The following SAMD5 variants were observed in gnomAD, a reference collection of about 807,000 sequenced individuals.
SAMD5 encodes the protein sterile alpha motif domain containing 5, also known as sterile alpha motif domain-containing protein 5.
A neutral mutation model predicts 11.3 loss-of-function variants in SAMD5; 13 were observed. That is an observed-to-expected ratio of 1.15 (90% confidence interval 0.75 to 1.83). The LOEUF (loss-of-function observed/expected upper bound fraction) is 1.83, where lower values mean the gene tolerates loss of function less well. Ranked by LOEUF, SAMD5 falls within the 40% of genes most tolerant of loss-of-function variation. SAMD5 has a pLI of 0.00. For missense variants in SAMD5, 255 were observed against 239.1 expected (o/e 1.07, Z -0.44); for synonymous variants, 129 against 111.3 (o/e 1.16, Z -1.00).
intron 1 of SAMD5, chr6:147,733,660 C>G (rs1207156493): frequency 4.8e-6 from 1 of 207,534 alleles, no homozygotes; most frequent in Admixed American, 6.5e-5. Flanking sequence ...TTTATTCTCT[C>G]CTCCCTTATC....
intron 1 of SAMD5, among the ~76,000 whole-genome samples, chr6:147,610,558 A>T (rs1233787473): frequency 6.6e-6 from 1 of 152,214 alleles, no homozygotes; most frequent in Admixed American, 6.5e-5. Context: ...AAAGTAAGGC[A>T]CTTTTGGACA....
chr6:147,874,592 A>G, the SAMD5 span, among the ~76,000 whole-genome samples: 1 of 145,952 alleles, frequency 6.9e-6, no homozygotes, highest in Non-Finnish European at 1.5e-5. Context: ...TTAAGTCCAC[A>G]GCAAAGACAG....
At chr6:147,744,946 A>G in the SAMD5 span, among the ~76,000 whole-genome samples, 3 of 109,160 alleles carry the variant, frequency 2.7e-5, no homozygotes, top group Admixed American at 2.7e-4. Flanking sequence ...AGACCCAGCA[A>G]TCACCGGGTG....
chr6:147,693,222 T>A (rs1167234869), intron 1 of SAMD5, among the ~76,000 whole-genome samples: 1 of 152,222 alleles, frequency 6.6e-6, no homozygotes, highest in East Asian at 1.9e-4. Context: ...TAAGCAGTCT[T>A]TGACCTCCAT....
At chr6:147,574,496 C>A (rs1372251710), downstream of SAMD5, among the ~76,000 whole-genome samples, 1 of 152,156 alleles carries the variant, frequency 6.6e-6, no homozygotes, top group Admixed American at 6.5e-5. Flanking sequence ...AGAAGATTGA[C>A]AAAGTTCTCA....
At chr6:147,789,448 AT>A in the SAMD5 span, among the ~76,000 whole-genome samples, 29 of 152,028 alleles carry the variant, frequency 1.9e-4, no homozygotes, top group African/African-American at 6.3e-4. Flanking sequence ...TTTGAGAGTT[AT>A]TTTTTAGGAG....
intron 1 of SAMD5, among the ~76,000 whole-genome samples, chr6:147,600,391 G>T (rs1013545596): frequency 6.6e-6 from 1 of 152,136 alleles, no homozygotes; most frequent in African/African-American, 2.4e-5. Context: ...TTTCTTTGAT[G>T]TTTCTTCTTG....
chr6:147,702,817 A>ATGTG (rs147257150), intron 1 of SAMD5, among the ~76,000 whole-genome samples: 57,916 of 149,932 alleles, frequency 0.39, 12,929 homozygotes, highest in Non-Finnish European at 0.49. Flanking sequence ...CTATTTGTAT[A>ATGTG]TGTGTGTGTG....
chr6:147,868,815 AAC>A, the SAMD5 span, among the ~76,000 whole-genome samples: 1 of 152,340 alleles, frequency 6.6e-6, no homozygotes, highest in South Asian at 2.1e-4. Flanking sequence ...GCAGATATAA[AAC>A]ACATATCAAT....
At chr6:147,650,870 C>G (rs1790473712) in intron 1 of SAMD5, among the ~76,000 whole-genome samples, 1 of 152,122 alleles carries the variant, frequency 6.6e-6, no homozygotes, top group South Asian at 2.1e-4. Flanking sequence ...ACGCAGAAGA[C>G]AGATCTAGGT....
chr6:147,608,748 A>T (rs1245807471), intron 1 of SAMD5, among the ~76,000 whole-genome samples: 1 of 152,200 alleles, frequency 6.6e-6, no homozygotes, highest in Non-Finnish European at 1.5e-5. Context: ...CAATCAACTT[A>T]TGATAGCCAA....
At chr6:147,532,390 A>T (rs1462208741) in intron 1 of SAMD5, among the ~76,000 whole-genome samples, 2 of 151,900 alleles carry the variant, frequency 1.3e-5, no homozygotes, top group Admixed American at 6.6e-5. Flanking sequence ...AGAACATATG[A>T]TATTTGGGTT....
At chr6:147,800,376 T>A in the SAMD5 span, among the ~76,000 whole-genome samples, 20,952 of 152,154 alleles carry the variant, frequency 0.14, 1,603 homozygotes, top group Middle Eastern at 0.18. Flanking sequence ...CCAGTTAGTC[T>A]GCTTGGGGGT....
chr6:147,549,131 C>G (rs1174206665), intron 1 of SAMD5, among the ~76,000 whole-genome samples: 4 of 152,192 alleles, frequency 2.6e-5, no homozygotes, highest in African/African-American at 9.6e-5. Flanking sequence ...TTGTTGAAAG[C>G]CATTGAAACT....
At chr6:147,510,617 T>A (rs1788074089) in intron 1 of SAMD5, among the ~76,000 whole-genome samples, 1 of 152,188 alleles carries the variant, frequency 6.6e-6, no homozygotes, top group South Asian at 2.1e-4. Context: ...TGCCTGGAGT[T>A]AAGGAAGTTA....
intron 1 of SAMD5, among the ~76,000 whole-genome samples, chr6:147,608,367 C>T (rs534586919): frequency 2.0e-5 from 3 of 152,282 alleles, no homozygotes; most frequent in African/African-American, 7.2e-5. Context: ...CTTTTTACAA[C>T]AGCTAAGACT....
At chr6:147,514,381 G>A (rs565304656) in intron 1 of SAMD5, among the ~76,000 whole-genome samples, 1 of 151,448 alleles carries the variant, frequency 6.6e-6, no homozygotes, top group African/African-American at 2.4e-5. Flanking sequence ...GGAGAACATT[G>A]TATTAATATA....
intron 1 of SAMD5, among the ~76,000 whole-genome samples, chr6:147,654,251 A>C (rs1790533990): frequency 6.6e-6 from 1 of 152,128 alleles, no homozygotes; most frequent in Non-Finnish European, 1.5e-5. Context: ...GTGATGTGAA[A>C]ATTCTTAGAA....
the SAMD5 span, among the ~76,000 whole-genome samples, chr6:147,903,540 A>G: frequency 6.6e-6 from 1 of 152,198 alleles, no homozygotes; most frequent in South Asian, 2.1e-4. Flanking sequence ...AAGCTGATTC[A>G]CTGTCAAATA....
Sources: allele counts gnomAD v4.1 joint callset (sites outside exome capture counted in the v4.1 genomes callset), GRCh38; gene constraint gnomAD v4.1.1; transcripts MANE v1.5; gene names NCBI Gene and HGNC (gene_info 2026-07-23, HGNC 2026-07-21).